The following USP4 variants were observed in gnomAD, a reference collection of about 807,000 sequenced individuals.
USP4 encodes ubiquitin specific peptidase 4.
USP4 carries 72 observed loss-of-function variants against 118.2 expected under a neutral mutation model. The ratio of observed to expected loss-of-function variants is 0.61; its 90% CI spans 0.50 to 0.74. USP4 has a LOEUF of 0.74. Ranked by LOEUF, USP4 falls within the 30% of genes least tolerant of loss-of-function variation. The pLI, the probability that USP4 is intolerant of heterozygous loss-of-function variation, is 0.00. For synonymous variants in USP4, 415 were observed against 440.4 expected (o/e 0.94, Z 0.72); for missense variants, 1,037 against 1,185.7 (o/e 0.87, Z 1.84).
chr3:49,288,829 G>GCC (rs1468056657), intron 15 of USP4, among the ~76,000 whole-genome samples: 2 of 152,008 alleles, frequency 1.3e-5, no homozygotes, highest in Non-Finnish European at 2.9e-5. Context: ...TTGTGGTTAT[G>GCC]CCGGGCACAA....
chr3:49,280,719 G>C (rs1457605083), intron 20 of USP4, 25 bp downstream of exon 20: 1 of 1,586,990 alleles, frequency 6.3e-7, no homozygotes, highest in East Asian at 2.2e-5. Context: ...CAACATCTCA[G>C]AAGGAAGCAG....
intron 14 of USP4, 124 bp downstream of exon 14, chr3:49,294,283 C>A: frequency 1.8e-6 from 2 of 1,119,656 alleles, no homozygotes; most frequent in South Asian, 3.1e-5. Context: ...CTGCACCCGG[C>A]AAATGCATTT....
At chr3:49,329,541 C>T (rs2047591616) in intron 2 of USP4, among the ~76,000 whole-genome samples, 1 of 152,148 alleles carries the variant, frequency 6.6e-6, no homozygotes, top group Non-Finnish European at 1.5e-5. Flanking sequence ...GCTAGAACTA[C>T]AGGTGCATGC....
intron 6 of USP4, among the ~76,000 whole-genome samples, chr3:49,315,465 C>G (rs2047425592): frequency 6.6e-6 from 1 of 152,146 alleles, no homozygotes; most frequent in Admixed American, 6.6e-5. Flanking sequence ...GACCTTCAGG[C>G]AACTGTGGAA....
In USP4 at chr3:49,278,856, A is replaced by G; in HGVS notation, c.2691T>C (p.Phe897=). 1 of 1,613,280 alleles carries G rather than the reference A, an allele frequency of 6.2e-7. No individual in the cohort carries two copies. The highest frequency in any genetic ancestry group is 8.5e-7 in the Non-Finnish European group (1 of 1,179,678). ...AGGCCAGGGACACGTTGCTATCATC[A>G]AAGTAATACCATTTACCATTCAGTT... ...KNKLNGKWYY[F]DDSNVSLASE... The change falls in exon 21 of 22, where the codon TTT becomes TTC. Residue 897 remains phenylalanine (F), a synonymous_variant. Transcript: ENST00000265560.
chr3:49,281,714 C>CA (rs35039639), intron 19 of USP4, among the ~76,000 whole-genome samples: 15,115 of 73,508 alleles, frequency 0.21, 1,050 homozygotes, highest in African/African-American at 0.29. Context: ...AACTCCGTCT[C>CA]AAAAAAAAAA....
intron 18 of USP4, 85 bp from the exon 19 acceptor site, chr3:49,284,221 C>A (rs1284774853): frequency 6.5e-7 from 1 of 1,536,360 alleles, no homozygotes; most frequent in African/African-American, 1.4e-5. Context: ...AGCTGCAGTC[C>A]CCTGATAGCT....
rs755583272 is a variant in USP4 at position 49,327,683 on chromosome 3, CA to C, written c.360+2del. The C allele has an allele frequency of 6.2e-7, 1 of 1,614,038 alleles. No homozygotes were observed. Among genetic ancestry groups the C allele is most frequent in the African/African-American group, 1.3e-5 (1 of 75,058 alleles). ...AGCAGGTGGGACAATTCACATAACT[CA>C]CTTTTCTGACGATGGGTTGCTGGCC... On this transcript the variant is annotated splice_donor_variant, in intron 3 of 21. Coordinates refer to ENST00000265560, the MANE Select transcript of USP4 (RefSeq NM_003363.4). LOFTEE classifies it high-confidence loss of function.
At chr3:49,321,351 T>C (rs2047498399) in intron 6 of USP4, among the ~76,000 whole-genome samples, 1 of 152,198 alleles carries the variant, frequency 6.6e-6, no homozygotes, top group Admixed American at 6.6e-5. Context: ...TCAAGAATAG[T>C]AGTTCTGGAC....
At chr3:49,303,735 G>A (rs974717704) in intron 9 of USP4, among the ~76,000 whole-genome samples, 1 of 152,066 alleles carries the variant, frequency 6.6e-6, no homozygotes, top group Non-Finnish European at 1.5e-5. Context: ...CTTCAGCACA[G>A]TGTGTTGCCA....
At chr3:49,302,261 G>A (rs1171587372) in intron 10 of USP4, 123 bp downstream of exon 10, 1 of 1,062,502 alleles carries the variant, frequency 9.4e-7, no homozygotes. Flanking sequence ...CCTATAACTA[G>A]CTACAGTGAG....
intron 6 of USP4, among the ~76,000 whole-genome samples, chr3:49,320,522 C>T (rs185295540): frequency 3.3e-5 from 5 of 152,174 alleles, no homozygotes; most frequent in Admixed American, 2.0e-4. Context: ...TCGTGGCTCA[C>T]GGTAACTTCG....
At chr3:49,311,166 G>A (rs1007126866) in intron 7 of USP4, among the ~76,000 whole-genome samples, 1 of 102,528 alleles carries the variant, frequency 9.8e-6, no homozygotes, top group Non-Finnish European at 2.1e-5. Context: ...AATGCCTGGA[G>A]AAAGGATCAC....
intron 10 of USP4, among the ~76,000 whole-genome samples, chr3:49,301,077 C>CTATA (rs1389747542): frequency 5.3e-5 from 8 of 152,036 alleles, no homozygotes; most frequent in Non-Finnish European, 1.0e-4. Flanking sequence ...GTAGCTAGGA[C>CTATA]TATAGGCATG....
chr3:49,332,527 A>G (rs1382288173), intron 2 of USP4, among the ~76,000 whole-genome samples: 4 of 151,846 alleles, frequency 2.6e-5, no homozygotes, highest in Admixed American at 6.6e-5. Flanking sequence ...CATCTTCCCA[A>G]TAGAAGGGTG....
chr3:49,325,864 G>A lies in USP4; in HGVS notation c.361-19C>T. The stretch of plus-strand genomic sequence containing the variant: ...CCACAACCTATGAACAAGAGGCAGG[G>A]GTGAGGGCATAGCGGTTTTGCAGCT... On this transcript the variant is annotated intron_variant, in intron 3 of 21. Coordinates refer to ENST00000265560, the MANE Select transcript of USP4 (RefSeq NM_003363.4). 1.2e-6 allele frequency: 2 copies of A among 1,612,496 alleles called. No individual in the cohort carries two copies. Among genetic ancestry groups the A allele is most frequent in the Non-Finnish European group, 1.7e-6 (2 of 1,179,208 alleles).
In USP4 at chr3:49,292,584, T is replaced by C. The variant is rs753166228; in HGVS notation, c.1898A>G (p.Gln633Arg). The change falls in exon 15 of 22, where the codon CAG (glutamine) becomes CGG (arginine). Residue 633 changes from glutamine to arginine, a missense_variant. Gln to Arg is a conservative substitution (Grantham distance 43). Coordinates refer to ENST00000265560, the MANE Select transcript of USP4 (RefSeq NM_003363.4). ...VCDRISRYVKQPLPDEFGSSP... is the reference protein window; with the variant it reads ...VCDRISRYVKRPLPDEFGSSP... ...GCTGCCAAACTCATCAGGTAAAGGC[T>C]GTTTCACATAGCGGCTTCAAAAAGA... The C allele has an allele frequency of 7.5e-6, 12 of 1,592,156 alleles. No homozygotes were observed. The highest frequency in any genetic ancestry group is 1.0e-5 in the Non-Finnish European group (12 of 1,169,828).
At chr3:49,295,701 TGCGCGC>T (rs754642053) in intron 13 of USP4, among the ~76,000 whole-genome samples, 2 of 146,072 alleles carry the variant, frequency 1.4e-5, no homozygotes, top group East Asian at 2.0e-4. Context: ...TATGCACGTG[TGCGCGC>T]GCGCGCGCAC....
At chr3:49,338,431 G>A (rs1466501797) in intron 1 of USP4, among the ~76,000 whole-genome samples, 1 of 151,834 alleles carries the variant, frequency 6.6e-6, no homozygotes, top group African/African-American at 2.4e-5. Context: ...AGGCCACAGC[G>A]GGCGATCACC....
Sources: allele counts gnomAD v4.1 joint callset (sites outside exome capture counted in the v4.1 genomes callset), GRCh38; gene constraint gnomAD v4.1.1; transcripts MANE v1.5; gene names NCBI Gene and HGNC (gene_info 2026-07-23, HGNC 2026-07-21).